SRGAP3: variants seen among roughly 807,000 people sequenced by gnomAD.
SRGAP3 encodes the protein SLIT-ROBO Rho GTPase-activating protein 3.
In SRGAP3, 39 loss-of-function variants were observed where a neutral mutation model predicts 121.1. The ratio of observed to expected loss-of-function variants is 0.32; its 90% CI spans 0.25 to 0.42. SRGAP3 has a LOEUF of 0.42. Ranked by LOEUF, SRGAP3 falls within the 10% of genes least tolerant of loss-of-function variation. SRGAP3 has a pLI of 1.00. For missense variants in SRGAP3, 1,213 were observed against 1,470.6 expected (o/e 0.82, Z 2.86); for synonymous variants, 601 against 570.0 (o/e 1.05, Z -0.77).
chr3:9,167,138 A>G (rs911571648), intron 1 of SRGAP3, among the ~76,000 whole-genome samples: 2 of 152,176 alleles, frequency 1.3e-5, no homozygotes, highest in African/African-American at 4.8e-5. Context: ...CACCTGTGAC[A>G]GCAATTCTCC....
chr3:9,202,832 A>G (rs529387432), intron 1 of SRGAP3, among the ~76,000 whole-genome samples: 77 of 152,360 alleles, frequency 5.1e-4, no homozygotes, highest in African/African-American at 1.8e-3. Context: ...AGTGGCTGAC[A>G]GCTCCCAGCG....
At chr3:9,028,072 G>A (rs1321026692) in intron 12 of SRGAP3, 2 of 1,613,908 alleles carry the variant, frequency 1.2e-6, no homozygotes, top group Non-Finnish European at 1.7e-6. Context: ...CACGGTGAAT[G>A]GGGCTAATGG....
At chr3:8,992,718 G>C in intron 20 of SRGAP3, 188 bp downstream of exon 20, 2 of 877,098 alleles carry the variant, frequency 2.3e-6, no homozygotes, top group Non-Finnish European at 3.7e-6. Flanking sequence ...TGCAACACAG[G>C]CTGGATGGTT....
At chr3:9,054,231 G>A (rs1007997349) in intron 8 of SRGAP3, among the ~76,000 whole-genome samples, 5 of 152,268 alleles carry the variant, frequency 3.3e-5, no homozygotes, top group South Asian at 2.1e-4. Context: ...GGAAGGGGGC[G>A]GCAAACCTAC....
At chr3:9,256,922 G>C in intron 3 of SRGAP3, 1 of 398,414 alleles carries the variant, frequency 2.5e-6, no homozygotes, top group South Asian at 1.3e-4. Flanking sequence ...AACAAGAATA[G>C]ATTCTAGAGC....
chr3:9,287,918 T>C (rs952679359), intron 3 of SRGAP3, among the ~76,000 whole-genome samples: 1 of 152,160 alleles, frequency 6.6e-6, no homozygotes, highest in Non-Finnish European at 1.5e-5. Context: ...TTGTGATGTA[T>C]GTAGGTGTGA....
At chr3:9,352,650 G>A (rs73811474) in intron 1 of SRGAP3, among the ~76,000 whole-genome samples, 10,964 of 152,088 alleles carry the variant, frequency 0.072, 1,296 homozygotes, top group African/African-American at 0.24. Flanking sequence ...CACATTTCTC[G>A]GATCATATCC....
chr3:9,190,178 C>G (rs912473839), intron 1 of SRGAP3, among the ~76,000 whole-genome samples: 2 of 152,184 alleles, frequency 1.3e-5, no homozygotes, highest in Non-Finnish European at 2.9e-5. Flanking sequence ...GTGGAAGATT[C>G]TGGTAATTAC....
At chr3:9,038,178 G>T in intron 10 of SRGAP3, 88 bp from the exon 11 acceptor site, 2 of 1,523,968 alleles carry the variant, frequency 1.3e-6, no homozygotes, top group Non-Finnish European at 9.1e-7. Context: ...AAAATACAAT[G>T]AGTCTTAATT....
chr3:9,311,672 T>C (rs956576867), intron 3 of SRGAP3, among the ~76,000 whole-genome samples: 11 of 152,306 alleles, frequency 7.2e-5, no homozygotes, highest in Admixed American at 7.2e-4. Flanking sequence ...ACTATTCAAA[T>C]ATGTAAAAGC....
intron 6 of SRGAP3, chr3:9,059,801 G>T (rs993977254): frequency 3.7e-5 from 10 of 273,084 alleles, no homozygotes; most frequent in Non-Finnish European, 7.3e-6. Flanking sequence ...ACTTTCTTTC[G>T]CATGTACACG....
At chr3:9,345,546 G>A (rs1157658545) in intron 1 of SRGAP3, among the ~76,000 whole-genome samples, 2 of 151,366 alleles carry the variant, frequency 1.3e-5, no homozygotes, top group African/African-American at 4.9e-5. Context: ...ACTTTGGGAG[G>A]CCGAGGAAGG....
At chr3:9,317,002 C>T (rs1955358211) in intron 3 of SRGAP3, among the ~76,000 whole-genome samples, 1 of 152,148 alleles carries the variant, frequency 6.6e-6, no homozygotes, top group South Asian at 2.1e-4. Context: ...CCACCGTGTA[C>T]TTCTTCCTTT....
At chr3:9,256,739 C>T (rs9832140) in intron 3 of SRGAP3, 8,897 of 397,564 alleles carry the variant, frequency 0.022, 654 homozygotes, top group African/African-American at 0.16. Flanking sequence ...TAAGTTCACA[C>T]ATTAATCTTC....
chr3:9,144,414 T>G (rs1433900884), intron 1 of SRGAP3, among the ~76,000 whole-genome samples: 1 of 152,258 alleles, frequency 6.6e-6, no homozygotes, highest in Non-Finnish European at 1.5e-5. Flanking sequence ...CTGCCTGGAA[T>G]GCCCTTCTCC....
At chr3:9,311,022 T>A (rs898349919) in intron 3 of SRGAP3, among the ~76,000 whole-genome samples, 1 of 151,852 alleles carries the variant, frequency 6.6e-6, no homozygotes, top group Non-Finnish European at 1.5e-5. Context: ...ATACAAAAAT[T>A]AGCTGGGTGT....
intron 1 of SRGAP3, among the ~76,000 whole-genome samples, chr3:9,155,652 T>A (rs1950392631): frequency 6.6e-6 from 1 of 152,192 alleles, no homozygotes; most frequent in South Asian, 2.1e-4. Context: ...ATTCTTCAAT[T>A]ATGTCCAGTA....
intron 3 of SRGAP3, among the ~76,000 whole-genome samples, chr3:9,290,294 G>A (rs892291468): frequency 6.6e-6 from 1 of 152,152 alleles, no homozygotes; most frequent in African/African-American, 2.4e-5. Flanking sequence ...TACAACAGGA[G>A]GATAAGTCAA....
At chr3:9,360,177 C>T (rs1197086067) in intron 1 of SRGAP3, among the ~76,000 whole-genome samples, 5 of 152,190 alleles carry the variant, frequency 3.3e-5, no homozygotes, top group Admixed American at 6.5e-5. Context: ...AATCTTCCCG[C>T]CTCTGCCTCC....
Sources: allele counts gnomAD v4.1 joint callset (sites outside exome capture counted in the v4.1 genomes callset), GRCh38; gene constraint gnomAD v4.1.1; transcripts MANE v1.5; gene names NCBI Gene and HGNC (gene_info 2026-07-23, HGNC 2026-07-21).